ADAMTSL1: variants seen among roughly 807,000 people sequenced by gnomAD.
The protein encoded by ADAMTSL1 is ADAMTS-like protein 1.
A neutral mutation model predicts 201.8 loss-of-function variants in ADAMTSL1; 126 were observed. The observed-to-expected ratio is 0.62, with a 90% CI of 0.54 to 0.72. ADAMTSL1 has a LOEUF of 0.72. Ranked by LOEUF, ADAMTSL1 falls within the 30% of genes least tolerant of loss-of-function variation. ADAMTSL1 has a pLI of 0.00. For missense variants in ADAMTSL1, 2,679 were observed against 2,277.8 expected (o/e 1.18, Z -3.59); for synonymous variants, 1,121 against 903.4 (o/e 1.24, Z -4.32).
At chr9:18,869,172 G>C (rs904959642) in intron 23 of ADAMTSL1, among the ~76,000 whole-genome samples, 1 of 152,216 alleles carries the variant, frequency 6.6e-6, no homozygotes, top group Non-Finnish European at 1.5e-5. Flanking sequence ...AACTGGGAGA[G>C]AGGCATGAAA....
At chr9:18,642,784 T>TA (rs1042360279) in intron 7 of ADAMTSL1, among the ~76,000 whole-genome samples, 7 of 152,060 alleles carry the variant, frequency 4.6e-5, no homozygotes, top group African/African-American at 1.4e-4. Flanking sequence ...CAAAGCTGAA[T>TA]AGTATTCCAT....
chr9:18,602,576 G>T (rs1824733863), intron 4 of ADAMTSL1, among the ~76,000 whole-genome samples: 1 of 152,126 alleles, frequency 6.6e-6, no homozygotes, highest in Admixed American at 6.5e-5. Context: ...GGGTATTGCT[G>T]CCATTCTTTA....
intron 1 of ADAMTSL1, among the ~76,000 whole-genome samples, chr9:18,150,436 T>C (rs1826857361): frequency 6.6e-6 from 1 of 152,090 alleles, no homozygotes; most frequent in Admixed American, 6.6e-5. Context: ...TCTAGGAAGA[T>C]ATTGATAATT....
chr9:18,628,873 G>A (rs1243135001), intron 5 of ADAMTSL1, among the ~76,000 whole-genome samples: 1 of 152,098 alleles, frequency 6.6e-6, no homozygotes, highest in Non-Finnish European at 1.5e-5. Context: ...TAAAATTAGA[G>A]ATGAGGTTTC....
At chr9:18,059,162 C>T (rs1043105163) in intron 1 of ADAMTSL1, among the ~76,000 whole-genome samples, 2 of 152,130 alleles carry the variant, frequency 1.3e-5, no homozygotes, top group Non-Finnish European at 2.9e-5. Flanking sequence ...ATCACAGACA[C>T]GAACTCCTGG....
intron 2 of ADAMTSL1, among the ~76,000 whole-genome samples, chr9:18,300,651 C>T (rs924565564): frequency 2.0e-5 from 3 of 152,054 alleles, no homozygotes; most frequent in African/African-American, 4.8e-5. Flanking sequence ...TCTAAAGCCG[C>T]TCTTCATGAA....
At chr9:18,656,040 T>C (rs1828636034) in intron 7 of ADAMTSL1, among the ~76,000 whole-genome samples, 1 of 152,066 alleles carries the variant, frequency 6.6e-6, no homozygotes, top group African/African-American at 2.4e-5. Context: ...GTAAATGCTC[T>C]ACAGGTCAAA....
At chr9:18,288,057 G>T (rs1220610161) in intron 2 of ADAMTSL1, among the ~76,000 whole-genome samples, 1 of 152,126 alleles carries the variant, frequency 6.6e-6, no homozygotes, top group African/African-American at 2.4e-5. Flanking sequence ...GGTGGCACTG[G>T]CTGTGGGGAG....
intron 2 of ADAMTSL1, among the ~76,000 whole-genome samples, chr9:18,331,500 T>C (rs1233225456): frequency 6.6e-6 from 1 of 152,170 alleles, no homozygotes; most frequent in Non-Finnish European, 1.5e-5. Flanking sequence ...TCCTGAACTA[T>C]GCCTTGCTGT....
At chr9:18,049,658 C>T (rs1421350565) in intron 1 of ADAMTSL1, among the ~76,000 whole-genome samples, 1 of 149,712 alleles carries the variant, frequency 6.7e-6, no homozygotes, top group Non-Finnish European at 1.5e-5. Context: ...GAGTCTTGCT[C>T]AGTCACCCAG....
chr9:18,717,184 A>G (rs1051490270), intron 14 of ADAMTSL1, among the ~76,000 whole-genome samples: 7 of 151,100 alleles, frequency 4.6e-5, no homozygotes, highest in South Asian at 2.1e-4. Context: ...ATGTATACCT[A>G]TGTAACTAAC....
intron 2 of ADAMTSL1, among the ~76,000 whole-genome samples, chr9:18,395,864 T>A (rs1289564714): frequency 6.6e-6 from 1 of 152,218 alleles, no homozygotes; most frequent in Non-Finnish European, 1.5e-5. Flanking sequence ...TACAAATATG[T>A]CATTTTTCTG....
chr9:18,622,508 T>A, intron 5 of ADAMTSL1, 139 bp downstream of exon 5: 1 of 1,298,972 alleles, frequency 7.7e-7, no homozygotes, highest in East Asian at 2.5e-5. Flanking sequence ...GGCTTCATGC[T>A]CTGGCATGTG....
intron 2 of ADAMTSL1, among the ~76,000 whole-genome samples, chr9:18,447,860 T>C (rs1011200776): frequency 5.3e-5 from 8 of 152,258 alleles, no homozygotes; most frequent in African/African-American, 1.9e-4. Context: ...AGCCCAAACT[T>C]TGATGTATAA....
intron 1 of ADAMTSL1, among the ~76,000 whole-genome samples, chr9:18,492,856 T>C (rs975935124): frequency 2.0e-5 from 3 of 152,200 alleles, no homozygotes; most frequent in African/African-American, 7.2e-5. Context: ...AAAGTCAGGA[T>C]ATAACAAAAA....
intron 2 of ADAMTSL1, among the ~76,000 whole-genome samples, chr9:18,257,116 G>A (rs779327299): frequency 4.6e-5 from 7 of 152,180 alleles, no homozygotes; most frequent in Non-Finnish European, 1.0e-4. Context: ...TATGAAATAA[G>A]TCAAATATAA....
At chr9:18,142,233 C>A (rs1381327040) in intron 1 of ADAMTSL1, among the ~76,000 whole-genome samples, 1 of 152,008 alleles carries the variant, frequency 6.6e-6, no homozygotes, top group Non-Finnish European at 1.5e-5. Context: ...TTGTTCCATG[C>A]TCCACACACA....
intron 11 of ADAMTSL1, 113 bp from the exon 12 acceptor site, chr9:18,681,699 G>GTGGGT: frequency 3.5e-6 from 1 of 287,436 alleles, no homozygotes; most frequent in Non-Finnish European, 5.1e-6. Context: ...TCCTCGTGTG[G>GTGGGT]GGGGGGGGGG....
intron 15 of ADAMTSL1, among the ~76,000 whole-genome samples, chr9:18,738,384 T>C (rs1013520421): frequency 1.7e-4 from 26 of 152,068 alleles, no homozygotes; most frequent in African/African-American, 5.3e-4. Context: ...GAGTGAAAAG[T>C]AGAGGGTAAG....
Sources: gnomAD v4.1 joint callset for allele counts (sites outside exome capture counted in the v4.1 genomes callset) on GRCh38, gnomAD v4.1.1 for gene constraint, MANE v1.5 for transcripts, NCBI Gene and HGNC (gene_info 2026-07-23, HGNC 2026-07-21) for gene names.